ATXN2: variants seen among roughly 807,000 people sequenced by gnomAD.
ATXN2 encodes the protein ataxin 2.
In ATXN2, 37 loss-of-function variants were observed where a neutral mutation model predicts 138.6. That is an observed-to-expected ratio of 0.27 (90% confidence interval 0.21 to 0.35). The LOEUF is 0.35. Among genes scored for constraint, ATXN2 ranks in the 10% least tolerant of loss-of-function variants. The pLI is 1.00. For synonymous variants in ATXN2, 549 were observed against 543.7 expected (o/e 1.01, Z -0.13); for missense variants, 1,216 against 1,480.3 (o/e 0.82, Z 2.93).
At chr12:111,534,823 C>A (rs1257426800) in intron 5 of ATXN2, among the ~76,000 whole-genome samples, 1 of 151,968 alleles carries the variant, frequency 6.6e-6, no homozygotes, top group African/African-American at 2.4e-5. Context: ...AAAAAACTGA[C>A]CTATTCTATA....
At chr12:111,535,257 T>A (rs1300856947) in intron 5 of ATXN2, among the ~76,000 whole-genome samples, 1 of 152,212 alleles carries the variant, frequency 6.6e-6, no homozygotes, top group Non-Finnish European at 1.5e-5. Flanking sequence ...GATGTGGGCT[T>A]GGTTTTGAAA....
At chr12:111,555,085 G>C (rs775712094) in intron 2 of ATXN2, among the ~76,000 whole-genome samples, 8 of 151,912 alleles carry the variant, frequency 5.3e-5, no homozygotes, top group Non-Finnish European at 1.0e-4. Context: ...CTTCATGTCC[G>C]GTTCAATTTC....
At chr12:111,582,383 G>C (rs1884054084) in intron 1 of ATXN2, among the ~76,000 whole-genome samples, 1 of 151,294 alleles carries the variant, frequency 6.6e-6, no homozygotes, top group Non-Finnish European at 1.5e-5. Context: ...GTGGAGGTTA[G>C]AGTGAGCAGA....
intron 18 of ATXN2, among the ~76,000 whole-genome samples, chr12:111,478,201 G>A (rs1876961609): frequency 6.6e-6 from 1 of 152,226 alleles, no homozygotes; most frequent in African/African-American, 2.4e-5. Context: ...GAGGTCAGGA[G>A]TTAGAGACCA....
chr12:111,525,224 T>C lies in ATXN2; in HGVS notation c.664A>G (p.Asn222Asp). The change falls in exon 6 of 25, where the codon AAT becomes GAT. Residue 222 changes from asparagine to aspartate, a missense_variant. Coordinates refer to ENST00000673436, the MANE Select transcript of ATXN2 (RefSeq NM_001372574.1). ...TTTTCCAAAGCCTCAAGTTCCTCAT[T>C]GGCTGTGAGTTCACCTGCATCCCAG... ...EPWDAGELTA[N>D]EELEALENDV... 1 of 1,613,570 alleles carries C rather than the reference T, an allele frequency of 6.2e-7. No individual in the cohort carries two copies. Among genetic ancestry groups the C allele is most frequent in the African/African-American group, 1.3e-5 (1 of 75,028 alleles).
chr12:111,470,334 T>C (rs1221899563), intron 19 of ATXN2, 94 bp from the exon 20 acceptor site: 1 of 1,458,294 alleles, frequency 6.9e-7, no homozygotes, highest in Non-Finnish European at 9.3e-7. Flanking sequence ...GGTTTCCAGA[T>C]TTCCAGAAAC....
At chr12:111,568,935 T>G (rs1183469117) in intron 1 of ATXN2, among the ~76,000 whole-genome samples, 1 of 152,184 alleles carries the variant, frequency 6.6e-6, no homozygotes, top group Non-Finnish European at 1.5e-5. Flanking sequence ...TTGAGTCAAA[T>G]GAGGTGGCAA....
In ATXN2 at chr12:111,465,498, G is replaced by A. The variant is rs141765625; in HGVS notation, c.2843-783C>T. 2.5e-3 allele frequency among the ~76,000 whole-genome samples: 376 copies of A among 151,978 alleles called. 1 individual carries two copies. The highest frequency in any genetic ancestry group is 8.5e-3 in the African/African-American group (353 of 41,442). On this transcript the variant is annotated intron_variant, in intron 20 of 24. Transcript: ENST00000673436. ...TAGAAGAGTAGATGTGAGGCTGGGC[G>A]TGGTGGCTCACATCTGTAATCCCAG...
chr12:111,471,543 A>G (rs1178409499), intron 18 of ATXN2: 1 of 152,254 alleles, frequency 6.6e-6, no homozygotes, highest in Non-Finnish European at 1.5e-5. Context: ...ATGACTGCTT[A>G]CAACTAGGTA....
At chr12:111,462,718 GCTACTTACCAGGAAAACAACACCAAA>G (rs1431722832) in intron 21 of ATXN2, among the ~76,000 whole-genome samples, 18 of 152,156 alleles carry the variant, frequency 1.2e-4, no homozygotes, top group African/African-American at 3.6e-4. Context: ...AAGGACCTTA[GCTACTTACCAGGAAAACAACACCAAA>G]CTACTAACAG....
At chr12:111,482,190 A>ATTTTTTTT (rs1164424839) in intron 18 of ATXN2, among the ~76,000 whole-genome samples, 1 of 101,356 alleles carries the variant, frequency 9.9e-6, no homozygotes, top group Non-Finnish European at 1.9e-5. Flanking sequence ...TTTCTCTACT[A>ATTTTTTTT]TTTTTTTTTT....
chr12:111,470,042 T>A (rs1876295847), intron 20 of ATXN2, 66 bp downstream of exon 20: 2 of 1,506,292 alleles, frequency 1.3e-6, no homozygotes, highest in African/African-American at 1.4e-5. Context: ...AGATAGAGTA[T>A]GTTTTCAGAA....
intron 1 of ATXN2, among the ~76,000 whole-genome samples, chr12:111,592,440 G>C (rs1370993019): frequency 6.6e-6 from 1 of 151,290 alleles, no homozygotes; most frequent in Middle Eastern, 3.2e-3. Flanking sequence ...AGATGACCCA[G>C]ATATCCTTTG....
intron 13 of ATXN2, 69 bp from the exon 14 acceptor site, chr12:111,509,688 G>C: frequency 4.0e-6 from 4 of 991,284 alleles, no homozygotes. Context: ...TTTTTAGTAT[G>C]AGATGATAGA....
chr12:111,597,246 T>C (rs937682110), intron 1 of ATXN2, among the ~76,000 whole-genome samples: 1 of 152,220 alleles, frequency 6.6e-6, no homozygotes, highest in African/African-American at 2.4e-5. Context: ...TGATTCCTCT[T>C]GATGGGGAAT....
At chr12:111,584,548 G>C (rs11065959) in intron 1 of ATXN2, among the ~76,000 whole-genome samples, 10,313 of 151,958 alleles carry the variant, frequency 0.068, 1,285 homozygotes, top group East Asian at 0.57. Context: ...AACAATTCTT[G>C]GCAGCTGGGT....
intron 3 of ATXN2, among the ~76,000 whole-genome samples, chr12:111,553,802 T>C (rs1244891874): frequency 6.6e-6 from 1 of 151,812 alleles, no homozygotes; most frequent in African/African-American, 2.4e-5. Flanking sequence ...AGTTCTGCCA[T>C]GTTGCCCAGG....
At chr12:111,551,972 C>T (rs1882146788) in intron 5 of ATXN2, among the ~76,000 whole-genome samples, 2 of 151,966 alleles carry the variant, frequency 1.3e-5, no homozygotes, top group South Asian at 4.1e-4. Flanking sequence ...CCTCTGCCTC[C>T]TGGGTTCAAG....
intron 19 of ATXN2, 86 bp downstream of exon 19, chr12:111,470,471 CA>C: frequency 6.7e-7 from 1 of 1,489,744 alleles, no homozygotes; most frequent in Non-Finnish European, 9.2e-7. Context: ...CACACAAAAG[CA>C]AAAATTATAA....
Sources: allele counts gnomAD v4.1 joint callset (sites outside exome capture counted in the v4.1 genomes callset), GRCh38; gene constraint gnomAD v4.1.1; transcripts MANE v1.5; gene names NCBI Gene and HGNC (gene_info 2026-07-23, HGNC 2026-07-21).